The following SPIRE2 variants were observed in gnomAD, a reference collection of about 807,000 sequenced individuals.
SPIRE2 encodes spire type actin nucleation factor 2.
In SPIRE2, 76 loss-of-function variants were observed where a neutral mutation model predicts 80.7. The ratio of observed to expected loss-of-function variants is 0.94; its 90% CI spans 0.78 to 1.14. The LOEUF (loss-of-function observed/expected upper bound fraction) is 1.14, where lower values mean the gene tolerates loss of function less well. Ranked by LOEUF, SPIRE2 falls within the 50% of genes most tolerant of loss-of-function variation. The pLI is 0.00. For missense variants in SPIRE2, 1,196 were observed against 1,015.3 expected (o/e 1.18, Z -2.42); for synonymous variants, 535 against 432.6 (o/e 1.24, Z -2.94).
At chr16:89,866,702 G>A (rs565569292) in intron 12 of SPIRE2, among the ~76,000 whole-genome samples, 2 of 150,070 alleles carry the variant, frequency 1.3e-5, no homozygotes, top group South Asian at 2.1e-4. Flanking sequence ...TCCACCTCCC[G>A]GGTTCACGCC....
intron 1 of SPIRE2, among the ~76,000 whole-genome samples, chr16:89,831,487 T>C (rs2041381539): frequency 6.7e-6 from 1 of 148,190 alleles, no homozygotes; most frequent in African/African-American, 2.5e-5. Flanking sequence ...AAGCTTCGCC[T>C]ACTGGGTTCA....
At position 89,863,308 on chromosome 16, in the gene SPIRE2, A is replaced by G; in HGVS notation, c.1576-168A>G. On this transcript the variant is annotated intron_variant, in intron 10 of 14. Coordinates refer to ENST00000378247, the MANE Select transcript of SPIRE2 (RefSeq NM_032451.2). The surrounding 1 kb of genome is among the most constrained non-coding windows in gnomAD (Gnocchi z 4.3). ...TGGCCTGCAGCAGCAGGGCCCATCA[A>G]AGACATGGGGATGGATGGCTGATGG... 1.3e-6 allele frequency: 1 copy of G among 746,106 alleles called. No homozygotes were observed. The highest frequency in any genetic ancestry group is 2.1e-6 in the Non-Finnish European group (1 of 470,142). 46.2% of individuals were successfully genotyped at this position (746,106 alleles called of 1,614,324 possible).
In SPIRE2 at chr16:89,859,206, C is replaced by A; in HGVS notation, c.1314C>A (p.Asp438Glu). The change falls in exon 9 of 15, where the codon GAC becomes GAA. Residue 438 changes from aspartate to glutamate, a missense_variant. Physicochemically the swap from Asp to Glu is conservative, Grantham distance 45. Coordinates refer to ENST00000378247, the MANE Select transcript of SPIRE2 (RefSeq NM_032451.2). ...GTGGGGAGGTGACGCTGAAACGGGA[C>A]CGCTCCTTCTCAGAGCATGACCTGG... ...SPCGEVTLKR[D>E]RSFSEHDLAQ... The A allele has an allele frequency of 6.2e-7, 1 of 1,600,892 alleles. No homozygotes were observed. Among genetic ancestry groups the A allele is most frequent in the Non-Finnish European group, 8.5e-7 (1 of 1,173,374 alleles).
At position 89,854,366 on chromosome 16, in the gene SPIRE2, G is replaced by A; in HGVS notation, c.726G>A (p.Trp242Ter). 1 of 1,612,252 alleles carries A rather than the reference G, an allele frequency of 6.2e-7. No homozygotes were observed. Among genetic ancestry groups the A allele is most frequent in the African/African-American group, 1.3e-5 (1 of 75,060 alleles). The change falls in exon 4 of 15, where the codon TGG becomes TGA. Residue 242 changes from tryptophan (W) to a stop codon, truncating the protein, a stop_gained and splice_region_variant. Coordinates refer to ENST00000378247, the MANE Select transcript of SPIRE2 (RefSeq NM_032451.2). LOFTEE classifies it high-confidence loss of function. ...AELDSLGHTDWARLWVQLMRE... is the reference protein window; with the variant it reads ...AELDSLGHTD ...TGGACAGCCTGGGTCACACAGACTG[G>A]GTAAGGCTCACTCCCACCTGACCGG...
At chr16:89,839,051 T>C (rs1345571751) in intron 1 of SPIRE2, among the ~76,000 whole-genome samples, 1 of 151,610 alleles carries the variant, frequency 6.6e-6, no homozygotes, top group East Asian at 2.0e-4. Context: ...TGTTAAACTG[T>C]TAGGAGGGGG....
intron 1 of SPIRE2, among the ~76,000 whole-genome samples, chr16:89,837,442 G>A (rs914510686): frequency 6.6e-6 from 1 of 152,186 alleles, no homozygotes; most frequent in Non-Finnish European, 1.5e-5. Flanking sequence ...ATCGTGAGGC[G>A]CATGTGACAG....
chr16:89,859,896 G>A lies in SPIRE2; in HGVS notation c.1462+542G>A, dbSNP rs146975378. ...CCCACCACCACATCCCAGCAGGCACGGCCAGGCCTCCTTGTCTGCCTGTGG... is the reference window on the plus strand; with the variant it reads ...CCCACCACCACATCCCAGCAGGCACAGCCAGGCCTCCTTGTCTGCCTGTGG... On this transcript the variant is annotated intron_variant, in intron 9 of 14. Coordinates refer to ENST00000378247, the MANE Select transcript of SPIRE2 (RefSeq NM_032451.2). 7.2e-5 allele frequency among the ~76,000 whole-genome samples: 11 copies of A among 152,266 alleles called. No individual in the cohort carries two copies. In the East Asian group the frequency reaches 1.4e-3, roughly 19 times the overall value.
chr16:89,835,743 G>A (rs1029633050), intron 1 of SPIRE2, among the ~76,000 whole-genome samples: 2 of 152,178 alleles, frequency 1.3e-5, no homozygotes, highest in Non-Finnish European at 2.9e-5. Context: ...AGCCCGTGCC[G>A]GGGAAGTCGA....
chr16:89,852,945 C>T (rs1454179968), intron 3 of SPIRE2, among the ~76,000 whole-genome samples: 1 of 84,872 alleles, frequency 1.2e-5, no homozygotes, highest in South Asian at 5.2e-4. Flanking sequence ...CATCCCATGG[C>T]CCGTCTTCCA....
chr16:89,855,447 T>C (rs1213958735), intron 5 of SPIRE2, among the ~76,000 whole-genome samples, 153 bp from the exon 6 acceptor site: 1 of 152,042 alleles, frequency 6.6e-6, no homozygotes, highest in Non-Finnish European at 1.5e-5. Context: ...GCCGTGCGTT[T>C]ACCAGGGAAG....
At chr16:89,851,573 C>T (rs999712942) in intron 3 of SPIRE2, among the ~76,000 whole-genome samples, 5 of 152,138 alleles carry the variant, frequency 3.3e-5, no homozygotes, top group African/African-American at 9.7e-5. Context: ...GCTCCCAAGC[C>T]GGAGCTCTCC....
chr16:89,860,031 C>G (rs1370906822), intron 9 of SPIRE2, among the ~76,000 whole-genome samples: 1 of 152,092 alleles, frequency 6.6e-6, no homozygotes, highest in African/African-American at 2.4e-5. Flanking sequence ...TCGGCCTCCC[C>G]CACCTGGAGC....
At chr16:89,837,719 G>A (rs1410136123) in intron 1 of SPIRE2, among the ~76,000 whole-genome samples, 3 of 152,200 alleles carry the variant, frequency 2.0e-5, no homozygotes, top group South Asian at 2.1e-4. Context: ...TCGGGTCTCC[G>A]CAGGCATTGA....
chr16:89,837,953 C>G (rs570021182), intron 1 of SPIRE2, among the ~76,000 whole-genome samples: 3 of 152,176 alleles, frequency 2.0e-5, no homozygotes, highest in African/African-American at 4.8e-5. Context: ...CTCCTGGTTT[C>G]GTGCGGGCGT....
In SPIRE2 at chr16:89,854,573, C is replaced by T. The variant is rs2041670020; in HGVS notation, c.813C>T (p.Pro271=). 3 of 1,612,576 alleles carry T rather than the reference C, an allele frequency of 1.9e-6. No individual in the cohort carries two copies. The East Asian group carries it at 6.7e-5, about 36-fold the overall frequency. ...KVQEQEFNPL[P]TEFQLTPFEM... is the part of the protein sequence containing the mutation. The stretch of plus-strand genomic sequence containing the variant: ...AAGAGCAGGAGTTCAACCCCCTCCC[C>T]ACCGAGTTCCAGCTCACGCCCTTCG... The change falls in exon 5 of 15, where the codon CCC becomes CCT. Residue 271 remains proline (P), a synonymous_variant. Coordinates refer to ENST00000378247, the MANE Select transcript of SPIRE2 (RefSeq NM_032451.2).
intron 10 of SPIRE2, among the ~76,000 whole-genome samples, chr16:89,861,264 G>A (rs112353862): frequency 1.9e-4 from 29 of 152,302 alleles, no homozygotes; most frequent in African/African-American, 6.7e-4. Context: ...CCTGAGTTCT[G>A]GTGCAGGATT....
Position 89,850,420 on chromosome 16 carries a change from C to G in SPIRE2, c.405C>G (p.Asn135Lys), listed in dbSNP as rs774131007. Residue 135 changes from asparagine (N) to lysine (K), a missense_variant, in exon 3 of 15, where the codon AAC becomes AAG. Coordinates refer to ENST00000378247, the MANE Select transcript of SPIRE2 (RefSeq NM_032451.2). The stretch of plus-strand genomic sequence containing the variant: ...GGCTCATCGACCTCATGGCCAACAA[C>G]GACAGCGAGGACAGCGGCTGCGGTG... ...LERLIDLMANNDSEDSGCGAA... is the reference protein window; with the variant it reads ...LERLIDLMANKDSEDSGCGAA... 13 of 1,590,692 alleles carry G rather than the reference C, an allele frequency of 8.2e-6. No individual in the cohort carries two copies. Among genetic ancestry groups the G allele is most frequent in the Admixed American group, 3.5e-5 (2 of 57,156 alleles).
intron 1 of SPIRE2, among the ~76,000 whole-genome samples, chr16:89,844,596 G>A (rs774339805): frequency 3.4e-4 from 51 of 152,022 alleles, no homozygotes; most frequent in Non-Finnish European, 5.7e-4. Context: ...CCGCCACCAC[G>A]CCTGGCTAAT....
chr16:89,832,380 G>A (rs572446429), intron 1 of SPIRE2, among the ~76,000 whole-genome samples: 2 of 152,346 alleles, frequency 1.3e-5, no homozygotes, highest in Non-Finnish European at 2.9e-5. Flanking sequence ...GCACATGAGT[G>A]TTTAGTTGTT....
Sources: allele counts gnomAD v4.1 joint callset (sites outside exome capture counted in the v4.1 genomes callset), GRCh38; gene constraint gnomAD v4.1.1; non-coding constraint Gnocchi (gnomAD v3.1); transcripts MANE v1.5; gene names NCBI Gene and HGNC (gene_info 2026-07-23, HGNC 2026-07-21).